The following CDH18 variants were observed in gnomAD, a reference collection of about 807,000 sequenced individuals.
The protein encoded by CDH18 is cadherin 18, also known as cadherin-18.
Under a neutral mutation model 67.9 loss-of-function variants are expected in CDH18, and 31 were observed. The ratio of observed to expected loss-of-function variants is 0.46; its 90% CI spans 0.34 to 0.62. CDH18 has a LOEUF of 0.62. Ranked by LOEUF, CDH18 falls within the 20% of genes least tolerant of loss-of-function variation. CDH18 has a pLI of 0.01. For missense variants in CDH18, 890 were observed against 975.5 expected (o/e 0.91, Z 1.17); for synonymous variants, 362 against 347.2 (o/e 1.04, Z -0.48).
intron 1 of CDH18, among the ~76,000 whole-genome samples, chr5:20,535,449 C>T (rs1756655959): frequency 6.6e-6 from 1 of 152,056 alleles, no homozygotes; most frequent in African/African-American, 2.4e-5. Flanking sequence ...TTTAGCCCAC[C>T]AGTATAATTC....
intron 1 of CDH18, among the ~76,000 whole-genome samples, chr5:20,575,258 T>C (rs185338392): frequency 1.3e-5 from 2 of 149,618 alleles, no homozygotes; most frequent in Admixed American, 6.8e-5. Context: ...GAAAAAAAAA[T>C]CTGTACCTGG....
chr5:20,031,023 T>C (rs1032866722), intron 2 of CDH18, among the ~76,000 whole-genome samples: 1 of 152,124 alleles, frequency 6.6e-6, no homozygotes, highest in Non-Finnish European at 1.5e-5. Context: ...CCTATATACA[T>C]TTTATTTAAT....
At chr5:19,835,929 G>A (rs1007511056) in intron 3 of CDH18, among the ~76,000 whole-genome samples, 3 of 152,094 alleles carry the variant, frequency 2.0e-5, no homozygotes, top group Non-Finnish European at 4.4e-5. Flanking sequence ...ATCGCCTCCT[G>A]ATATGTGAGG....
chr5:19,838,766 A>G lies in CDH18; in HGVS notation c.221T>C (p.Val74Ala), dbSNP rs1781946132. ...EEHMGPDPQYVGKLHSNSDKG... is the reference protein window; with the variant it reads ...EEHMGPDPQYAGKLHSNSDKG... ...AAATAAACAAAATCTTACCTTTCCA[A>G]CATACTGAGGATCTGGTCCCATATG... Residue 74 changes from valine to alanine, a missense_variant, in exon 3 of 13, where the codon GTT becomes GCT. This residue lies in a region of CDH18 where 234 missense variants were observed against 307.4 expected (regional missense o/e 0.76). Transcript: ENST00000382275. 4 of 1,608,410 alleles carry G rather than the reference A, an allele frequency of 2.5e-6. No individual in the cohort carries two copies. The highest frequency in any genetic ancestry group is 3.4e-6 in the Non-Finnish European group (4 of 1,175,096).
intron 2 of CDH18, among the ~76,000 whole-genome samples, chr5:20,091,412 G>A (rs1745408802): frequency 6.6e-6 from 1 of 152,066 alleles, no homozygotes; most frequent in African/African-American, 2.4e-5. Flanking sequence ...GATTTCTTGA[G>A]CCCAGGAGTT....
At chr5:19,862,456 A>G (rs1785009757) in intron 2 of CDH18, among the ~76,000 whole-genome samples, 1 of 152,206 alleles carries the variant, frequency 6.6e-6, no homozygotes, top group African/African-American at 2.4e-5. Context: ...TAGTACAAAC[A>G]TACGATTCAA....
chr5:20,111,838 C>T (rs1747510228), intron 2 of CDH18, among the ~76,000 whole-genome samples: 1 of 152,092 alleles, frequency 6.6e-6, no homozygotes, highest in Non-Finnish European at 1.5e-5. Flanking sequence ...CCACCACGCC[C>T]AGCTGAAGAA....
At chr5:20,474,041 ATATTT>A (rs1477627551) in intron 1 of CDH18, among the ~76,000 whole-genome samples, 2 of 152,172 alleles carry the variant, frequency 1.3e-5, no homozygotes, top group African/African-American at 4.8e-5. Flanking sequence ...TGAAATAATT[ATATTT>A]TATGTTCTTC....
chr5:19,933,111 A>G, intron 2 of CDH18, among the ~76,000 whole-genome samples: 1 of 151,424 alleles, frequency 6.6e-6, no homozygotes, highest in East Asian at 1.9e-4. Flanking sequence ...CCTTTGAACT[A>G]TCTTAAACCT....
chr5:20,563,114 G>A (rs1758312894), intron 1 of CDH18, among the ~76,000 whole-genome samples: 1 of 151,524 alleles, frequency 6.6e-6, no homozygotes, highest in African/African-American at 2.4e-5. Context: ...ATTACTCTAG[G>A]AGTTATAACA....
chr5:19,944,956 A>T (rs1209819220), intron 2 of CDH18, among the ~76,000 whole-genome samples: 3 of 152,144 alleles, frequency 2.0e-5, no homozygotes, highest in South Asian at 2.1e-4. Flanking sequence ...TCAAATCATC[A>T]GCACCAAAAT....
chr5:19,810,765 G>A (rs925799214), intron 3 of CDH18, among the ~76,000 whole-genome samples: 3 of 152,002 alleles, frequency 2.0e-5, no homozygotes, highest in African/African-American at 7.3e-5. Context: ...GCTCACACTT[G>A]TAATCCTAGC....
intron 1 of CDH18, among the ~76,000 whole-genome samples, chr5:20,302,408 A>T (rs1736015241): frequency 6.6e-6 from 1 of 152,092 alleles, no homozygotes; most frequent in Non-Finnish European, 1.5e-5. Context: ...TCAGTGTAAA[A>T]ATCATGGCCA....
chr5:19,646,259 A>G (rs893720712), intron 5 of CDH18, among the ~76,000 whole-genome samples: 3 of 152,138 alleles, frequency 2.0e-5, no homozygotes, highest in Non-Finnish European at 4.4e-5. Context: ...TAAGACTGGG[A>G]TGCAGATAAA....
Position 19,571,840 on chromosome 5 carries a change from G to GAAAAAAAA in CDH18, c.1000-16_1000-9dup. The GAAAAAAAA allele has an allele frequency of 6.3e-7, 1 of 1,587,092 alleles. No individual in the cohort carries two copies. The highest frequency in any genetic ancestry group is 1.8e-5 in the Admixed American group (1 of 56,442). On this transcript the variant is annotated splice_polypyrimidine_tract_variant and intron_variant, in intron 7 of 12. Transcript: ENST00000382275. ...TTTCTCATAGTTCAGTGGCTGTGGG[G>GAAAAAAAA]AAAAAAAATAAGATTATGACTTTTA...
At chr5:19,506,614 A>T (rs371498240) in intron 10 of CDH18, among the ~76,000 whole-genome samples, 18 of 152,264 alleles carry the variant, frequency 1.2e-4, no homozygotes, top group African/African-American at 4.1e-4. Context: ...GCATATCTAC[A>T]TCTGATCTTT....
intron 8 of CDH18, among the ~76,000 whole-genome samples, chr5:19,562,267 A>G (rs1480158544): frequency 6.6e-6 from 1 of 152,186 alleles, no homozygotes; most frequent in East Asian, 1.9e-4. Flanking sequence ...AAAAGTTTAA[A>G]TCCTGCATTC....
intron 1 of CDH18, among the ~76,000 whole-genome samples, chr5:20,354,699 A>C (rs1211143254): frequency 1.3e-5 from 2 of 152,126 alleles, no homozygotes; most frequent in Non-Finnish European, 2.9e-5. Flanking sequence ...GGTGTGAACC[A>C]CCGTGCCTGT....
At chr5:20,178,021 T>C (rs1452364286) in intron 2 of CDH18, among the ~76,000 whole-genome samples, 1 of 152,114 alleles carries the variant, frequency 6.6e-6, no homozygotes, top group Admixed American at 6.6e-5. Flanking sequence ...CACACCTCCT[T>C]AATGTGAGTG....
Sources: allele counts gnomAD v4.1 joint callset (sites outside exome capture counted in the v4.1 genomes callset), GRCh38; gene constraint gnomAD v4.1.1; regional missense constraint gnomAD v4.1.1; transcripts MANE v1.5; gene names NCBI Gene and HGNC (gene_info 2026-07-23, HGNC 2026-07-21).